SHBG: variants seen among roughly 807,000 people sequenced by gnomAD.
SHBG encodes sex hormone-binding globulin.
Under a neutral mutation model 41.9 loss-of-function variants are expected in SHBG, and 37 were observed. The ratio of observed to expected loss-of-function variants is 0.88; its 90% CI spans 0.68 to 1.16. The LOEUF is 1.16. Among genes scored for constraint, SHBG ranks in the 50% most tolerant of loss-of-function variants. The pLI is 0.00. For synonymous variants in SHBG, 217 were observed against 205.8 expected (o/e 1.05, Z -0.47); for missense variants, 466 against 499.9 (o/e 0.93, Z 0.65).
chr17:7,629,816 TA>T (rs1013561859), upstream of SHBG, among the ~76,000 whole-genome samples: 11 of 152,182 alleles, frequency 7.2e-5, no homozygotes, highest in African/African-American at 2.7e-4. Context: ...GGACTGTTTC[TA>T]GACCTCAGGC....
chr17:7,625,247 C>T (rs1434499333), upstream of SHBG, among the ~76,000 whole-genome samples: 2 of 151,720 alleles, frequency 1.3e-5, no homozygotes. Flanking sequence ...CTGAGCCCGG[C>T]CAGGCATGAG....
In SHBG at chr17:7,630,221, C is replaced by A. The variant is rs1427555621; in HGVS notation, c.49C>A (p.Leu17Met). The change falls in exon 1 of 8, where the codon CTG (leucine) becomes ATG (methionine). Residue 17 changes from leucine to methionine, a missense_variant. By Grantham distance (15) the Leu-to-Met change is conservative (BLOSUM62 2). Transcript: ENST00000380450. This position sits in a 1 kb window ranked among gnomAD's most constrained non-coding sequence, Gnocchi z 4.6. ...LATSRLLLLL[L>M]LLLLRHTRQG... ...TACCTCGCGCCTGCTGCTGTTGCTGCTGTTGCTACTACTGCGTCACACCCG... is the reference window on the plus strand; with the variant it reads ...TACCTCGCGCCTGCTGCTGTTGCTGATGTTGCTACTACTGCGTCACACCCG... The A allele has an allele frequency of 6.2e-7, 1 of 1,612,898 alleles. No homozygotes were observed. Among genetic ancestry groups the A allele is most frequent in the Non-Finnish European group, 8.5e-7 (1 of 1,179,532 alleles).
At chr17:7,615,452 C>G (rs988098179) in intron 1 of SHBG, among the ~76,000 whole-genome samples, 5 of 152,252 alleles carry the variant, frequency 3.3e-5, no homozygotes, top group African/African-American at 4.8e-5. Context: ...ATCTGTAACT[C>G]TCTACTGTAG....
rs748429489 is a variant in SHBG at position 7,632,719 on chromosome 17, C to T, written c.853-33C>T. 9 of 1,562,608 alleles carry T rather than the reference C, an allele frequency of 5.8e-6. No homozygotes were observed. The South Asian group carries it at 8.9e-5, about 15-fold the overall frequency. On this transcript the variant is annotated intron_variant, in intron 6 of 7. Transcript: ENST00000380450. ...GTAGGCCCGGCTCATTCTTCCCTCT[C>T]TCTCTACCGTCCCTTTCCCACACAC...
upstream of SHBG, chr17:7,626,427 A>G (rs530674890): frequency 2.5e-6 from 4 of 1,612,954 alleles, no homozygotes; most frequent in Admixed American, 5.0e-5. Flanking sequence ...CTCAAGACAG[A>G]GATCCTCCTA....
upstream of SHBG, among the ~76,000 whole-genome samples, chr17:7,629,254 T>C (rs1385337693): frequency 6.6e-6 from 1 of 151,878 alleles, no homozygotes; most frequent in Non-Finnish European, 1.5e-5. Context: ...TGCGTGCACC[T>C]GTAGTCCCAA....
upstream of SHBG, among the ~76,000 whole-genome samples, chr17:7,625,206 C>A (rs1387957740): frequency 6.6e-6 from 1 of 151,772 alleles, no homozygotes; most frequent in Non-Finnish European, 1.5e-5. Flanking sequence ...GCCTCGGCCT[C>A]CCAAACTGCT....
intron 1 of SHBG, among the ~76,000 whole-genome samples, chr17:7,615,534 C>G (rs998349058): frequency 6.6e-6 from 1 of 152,138 alleles, no homozygotes; most frequent in Non-Finnish European, 1.5e-5. Context: ...GGCGCGGTGG[C>G]TCACGCCTGT....
At chr17:7,615,491 G>T (rs1301057942) in intron 1 of SHBG, among the ~76,000 whole-genome samples, 2 of 152,226 alleles carry the variant, frequency 1.3e-5, no homozygotes, top group Non-Finnish European at 2.9e-5. Flanking sequence ...CTCTTACCTT[G>T]AAGAGATTGT....
At chr17:7,615,250 C>G (rs1321811518) in intron 1 of SHBG, among the ~76,000 whole-genome samples, 1 of 152,154 alleles carries the variant, frequency 6.6e-6, no homozygotes, top group Non-Finnish European at 1.5e-5. Flanking sequence ...CTGGCCCCAC[C>G]GGGCTTGGAC....
intron 1 of SHBG, chr17:7,614,380 G>T: frequency 2.7e-6 from 3 of 1,123,838 alleles, no homozygotes; most frequent in Non-Finnish European, 3.8e-6. Context: ...GCTCGATCCC[G>T]CCCCACGCGT....
chr17:7,614,544 C>A, intron 1 of SHBG: 3 of 1,456,680 alleles, frequency 2.1e-6, no homozygotes, highest in Non-Finnish European at 2.7e-6. Context: ...GCGCCGCCAC[C>A]GCCTCCGACT....
upstream of SHBG, chr17:7,626,945 C>T (rs763612506): frequency 7.4e-6 from 12 of 1,613,422 alleles, no homozygotes; most frequent in African/African-American, 4.0e-5. Flanking sequence ...CCCAGTACCC[C>T]GATATTCCGG....
upstream of SHBG, among the ~76,000 whole-genome samples, chr17:7,629,252 C>T (rs2072322277): frequency 6.6e-6 from 1 of 151,516 alleles, no homozygotes; most frequent in South Asian, 2.1e-4. Flanking sequence ...GGTGCGTGCA[C>T]CTGTAGTCCC....
upstream of SHBG, among the ~76,000 whole-genome samples, chr17:7,623,603 A>G (rs543100908): frequency 3.3e-5 from 5 of 152,168 alleles, no homozygotes; most frequent in South Asian, 1.0e-3. Context: ...GACTACAGGC[A>G]TTTGCCACCA....
At chr17:7,616,851 G>T (rs897246309) in intron 1 of SHBG, among the ~76,000 whole-genome samples, 5 of 151,988 alleles carry the variant, frequency 3.3e-5, no homozygotes, top group Non-Finnish European at 7.4e-5. Flanking sequence ...CAAGAGAATT[G>T]CTTGAACCTG....
At chr17:7,631,529 G>A in intron 4 of SHBG, 60 bp from the exon 5 acceptor site, 1 of 1,600,302 alleles carries the variant, frequency 6.2e-7, no homozygotes, top group Non-Finnish European at 8.6e-7. Flanking sequence ...GGGAGGTCGG[G>A]ACTGCGGCTC....
chr17:7,623,168 A>G (rs919127740), upstream of SHBG, among the ~76,000 whole-genome samples: 16 of 152,198 alleles, frequency 1.1e-4, no homozygotes, highest in Non-Finnish European at 2.2e-4. Flanking sequence ...CGAGGTGGGC[A>G]GATCACCTGA....
At chr17:7,617,622 C>T (rs941270466) in intron 1 of SHBG, among the ~76,000 whole-genome samples, 5 of 151,238 alleles carry the variant, frequency 3.3e-5, no homozygotes, top group South Asian at 4.2e-4. Context: ...AAATAAAAAA[C>T]AAAAATAAAT....
Sources: allele counts gnomAD v4.1 joint callset (sites outside exome capture counted in the v4.1 genomes callset), GRCh38; gene constraint gnomAD v4.1.1; non-coding constraint Gnocchi (gnomAD v3.1); transcripts MANE v1.5; gene names NCBI Gene and HGNC (gene_info 2026-07-23, HGNC 2026-07-21).